Variants in FUT8 observed in about 807,000 individuals in gnomAD.
FUT8 encodes the protein alpha-(1,6)-fucosyltransferase.
FUT8 carries 29 observed loss-of-function variants against 71.3 expected under a neutral mutation model. The ratio of observed to expected loss-of-function variants is 0.41; its 90% CI spans 0.30 to 0.55. The LOEUF (loss-of-function observed/expected upper bound fraction) is 0.55. FUT8 is among the 20% of genes least tolerant of loss of function. The pLI is 0.34. For synonymous variants in FUT8, 254 were observed against 239.3 expected, an observed-to-expected ratio of 1.06 and a Z score of -0.57; for missense variants, 544 against 702.1, an observed-to-expected ratio of 0.77 and a Z score of 2.55.
chr14:65,648,790 T>C (rs1294553279), intron 6 of FUT8, among the ~76,000 whole-genome samples: 1 of 152,204 alleles, frequency 6.6e-6, no homozygotes, highest in African/African-American at 2.4e-5. Flanking sequence ...GGTAACACTT[T>C]TCATTTAGTT....
intron 2 of FUT8, among the ~76,000 whole-genome samples, chr14:65,474,397 G>T (rs2066198402): frequency 7.2e-6 from 1 of 138,026 alleles, no homozygotes; most frequent in African/African-American, 2.7e-5. Context: ...GAGGTCAGGA[G>T]TTCGGGACCA....
chr14:65,601,706 A>G (rs1888295117), intron 3 of FUT8, among the ~76,000 whole-genome samples: 1 of 152,208 alleles, frequency 6.6e-6, no homozygotes, highest in Admixed American at 6.5e-5. Flanking sequence ...TTACAGTAAT[A>G]TTCTAATAGT....
intron 8 of FUT8, among the ~76,000 whole-genome samples, chr14:65,723,315 A>C (rs1246595538): frequency 7.4e-6 from 1 of 135,476 alleles, no homozygotes; most frequent in African/African-American, 2.5e-5. Context: ...ACAGAGCAAG[A>C]CCTTGTCTTA....
chr14:65,390,316 C>G, the FUT8 span, among the ~76,000 whole-genome samples: 9 of 135,458 alleles, frequency 6.6e-5, no homozygotes, highest in Non-Finnish European at 1.2e-4. Flanking sequence ...AGCGAGACTT[C>G]GTCTCAAAAA....
Position 65,682,476 on chromosome 14 carries a change from G to T in FUT8, c.835+12996G>T, listed in dbSNP as rs547005248. On this transcript the variant is annotated intron_variant, in intron 7 of 10. Transcript: ENST00000673929. ...ACTAGGATCATGCCATTGCACTCCA[G>T]CCTGGGCAACAGAGCAAGACCATGT... Among the ~76,000 whole-genome samples, 6 of 151,940 alleles carry T rather than the reference G, an allele frequency of 3.9e-5. No individual in the cohort carries two copies. The East Asian group carries it at 1.2e-3, about 29-fold the overall frequency.
At chr14:65,407,099 G>A (rs981430874), upstream of FUT8, among the ~76,000 whole-genome samples, 1 of 152,138 alleles carries the variant, frequency 6.6e-6, no homozygotes, top group African/African-American at 2.4e-5. Flanking sequence ...AAACTGGGGG[G>A]CCATTGGTAA....
intron 2 of FUT8, chr14:65,528,740 T>G (rs1198581501): frequency 6.6e-6 from 1 of 152,214 alleles, no homozygotes. Flanking sequence ...ACTGGTTAAC[T>G]TTCTGTATGA....
chr14:65,514,517 T>G (rs557965966), intron 2 of FUT8, among the ~76,000 whole-genome samples: 1 of 152,294 alleles, frequency 6.6e-6, no homozygotes, highest in South Asian at 2.1e-4. Context: ...GCCATTTAAT[T>G]TTCTCTCTTG....
At chr14:65,692,530 G>T (rs1470247310) in intron 7 of FUT8, among the ~76,000 whole-genome samples, 1 of 129,874 alleles carries the variant, frequency 7.7e-6, no homozygotes, top group Admixed American at 7.4e-5. Context: ...CCTCCCTCCC[G>T]GACGGGGCGG....
At chr14:65,567,224 T>G (rs1369380974) in intron 3 of FUT8, among the ~76,000 whole-genome samples, 1 of 151,956 alleles carries the variant, frequency 6.6e-6, no homozygotes, top group African/African-American at 2.4e-5. Flanking sequence ...CTTCTAGAAT[T>G]TAGATGCTAG....
At chr14:65,522,544 TATTC>T (rs1433421096) in intron 2 of FUT8, among the ~76,000 whole-genome samples, 2 of 152,190 alleles carry the variant, frequency 1.3e-5, no homozygotes, top group African/African-American at 4.8e-5. Flanking sequence ...GGAGTTCATG[TATTC>T]ATTTAGGAAA....
At chr14:65,677,151 T>TGTGTGTGTGTGTGTGTGTGCGCGCGCGC in intron 7 of FUT8, among the ~76,000 whole-genome samples, 17 of 110,698 alleles carry the variant, frequency 1.5e-4, no homozygotes, top group Non-Finnish European at 2.9e-4. Context: ...TGTGTGTGTG[T>TGTGTGTGTGTGTGTGTGTGCGCGCGCGC]GCGCGCGCGC....
At chr14:65,541,976 C>T (rs1056772558) in intron 2 of FUT8, among the ~76,000 whole-genome samples, 11 of 152,170 alleles carry the variant, frequency 7.2e-5, no homozygotes, top group African/African-American at 2.7e-4. Context: ...GATTCTGGTT[C>T]TGCTACTTAC....
intron 2 of FUT8, among the ~76,000 whole-genome samples, chr14:65,479,468 T>TA (rs2066296022): frequency 6.6e-6 from 1 of 152,198 alleles, no homozygotes; most frequent in African/African-American, 2.4e-5. Context: ...AAGGATCTCT[T>TA]AGTTTGTTGG....
At chr14:65,459,993 A>G (rs1452366327) in intron 2 of FUT8, among the ~76,000 whole-genome samples, 3 of 152,350 alleles carry the variant, frequency 2.0e-5, no homozygotes, top group African/African-American at 7.2e-5. Flanking sequence ...TTTGATAGAT[A>G]GGCTTGTTAT....
At chr14:65,427,786 A>G (rs1566740607) in intron 1 of FUT8, among the ~76,000 whole-genome samples, 1 of 152,218 alleles carries the variant, frequency 6.6e-6, no homozygotes, top group Non-Finnish European at 1.5e-5. Flanking sequence ...CAGTTTTAGA[A>G]AACTTTCATC....
chr14:65,621,222 C>T (rs903196644), intron 5 of FUT8, among the ~76,000 whole-genome samples: 27 of 151,928 alleles, frequency 1.8e-4, no homozygotes, highest in Admixed American at 1.8e-3. Context: ...AGTAGTCCTA[C>T]AAGGTATGCA....
chr14:65,428,920 T>A (rs2065427879), intron 1 of FUT8, among the ~76,000 whole-genome samples: 1 of 152,196 alleles, frequency 6.6e-6, no homozygotes, highest in Non-Finnish European at 1.5e-5. Flanking sequence ...TTAGATAGTT[T>A]TTCAAGAAGA....
intron 7 of FUT8, among the ~76,000 whole-genome samples, chr14:65,693,235 G>C (rs1251169161): frequency 6.6e-6 from 1 of 152,228 alleles, no homozygotes; most frequent in South Asian, 2.1e-4. Context: ...CTGAGTGAAC[G>C]AGACTCCGTC....
Sources: gnomAD v4.1 joint callset for allele counts (sites outside exome capture counted in the v4.1 genomes callset) on GRCh38, gnomAD v4.1.1 for gene constraint, MANE v1.5 for transcripts, NCBI Gene and HGNC (gene_info 2026-07-23, HGNC 2026-07-21) for gene names.